RHOH: variants seen among roughly 807,000 people sequenced by gnomAD.
RHOH encodes the protein rho-related GTP-binding protein RhoH.
RHOH carries 6 observed loss-of-function variants against 13.8 expected under a neutral mutation model. The observed-to-expected ratio is 0.44, with a 90% CI of 0.24 to 0.86. The LOEUF (loss-of-function observed/expected upper bound fraction) is 0.86, where lower values mean the gene tolerates loss of function less well. RHOH is among the 40% of genes least tolerant of loss of function. The pLI is 0.24. For synonymous variants in RHOH, 117 were observed against 103.0 expected (o/e 1.14, Z -0.82); for missense variants, 147 against 244.5 (o/e 0.60, Z 2.66).
chr4:40,224,191 T>G (rs1052063831), intron 1 of RHOH, among the ~76,000 whole-genome samples: 1 of 152,258 alleles, frequency 6.6e-6, no homozygotes, highest in Admixed American at 6.5e-5. Context: ...TATGTCTGTA[T>G]ATCATACCCT....
intron 1 of RHOH, among the ~76,000 whole-genome samples, chr4:40,215,223 A>C (rs577206045): frequency 6.6e-6 from 1 of 152,290 alleles, no homozygotes; most frequent in South Asian, 2.1e-4. Flanking sequence ...AGTCCTGAGA[A>C]TGAGGGAAAT....
At chr4:40,210,262 A>T (rs1725111479) in intron 1 of RHOH, among the ~76,000 whole-genome samples, 1 of 152,212 alleles carries the variant, frequency 6.6e-6, no homozygotes, top group Non-Finnish European at 1.5e-5. Flanking sequence ...AATACCTACC[A>T]ACGGGGACTT....
At chr4:40,235,143 G>A (rs1211058157) in intron 1 of RHOH, 3 of 152,174 alleles carry the variant, frequency 2.0e-5, no homozygotes, top group South Asian at 2.1e-4. Flanking sequence ...CACAAAGGTG[G>A]TAACCTTATT....
chr4:40,197,542 G>A (rs2109341388), intron 1 of RHOH, among the ~76,000 whole-genome samples: 1 of 152,186 alleles, frequency 6.6e-6, no homozygotes, highest in East Asian at 1.9e-4. Context: ...TGGCTTTTTG[G>A]TTTTCCAGAT....
rs974350343 is a variant in RHOH, at chr4:40,207,383, CT to C, written c.-331+10091del. ...TTTCTGAGTCCTATAGCTATCTTTC[CT>C]TTTTTTTCATCCTCTACATTTCAGG... On this transcript the variant is annotated intron_variant, in intron 1 of 2. Coordinates refer to ENST00000381799, the MANE Select transcript of RHOH (RefSeq NM_004310.5). Among the ~76,000 whole-genome samples the C allele has an allele frequency of 2.5e-4, 38 of 151,988 alleles. No homozygotes were observed. The East Asian group carries it at 6.6e-3, about 26-fold the overall frequency.
At chr4:40,214,059 G>C (rs868159117) in intron 1 of RHOH, among the ~76,000 whole-genome samples, 1 of 152,106 alleles carries the variant, frequency 6.6e-6, no homozygotes, top group African/African-American at 2.4e-5. Context: ...GCCTGGCCTA[G>C]TTCCTTTATT....
chr4:40,237,676 A>G (rs1325692088), intron 1 of RHOH, among the ~76,000 whole-genome samples: 1 of 152,174 alleles, frequency 6.6e-6, no homozygotes, highest in Non-Finnish European at 1.5e-5. Context: ...TTCTTAGTGA[A>G]TGAATCAGCT....
rs918904105 is a variant in RHOH, at chr4:40,246,897, A to G, written c.*2935A>G. 6.6e-6 allele frequency: 1 copy of G among 152,220 alleles called. No homozygotes were observed. Among genetic ancestry groups the G allele is most frequent in the Non-Finnish European group, 1.5e-5 (1 of 68,040 alleles). 9.4% of individuals were successfully genotyped at this position (152,220 alleles called of 1,614,324 possible). A position where few individuals can be genotyped will look rare whatever the true frequency, so the allele number is the denominator to read the frequency against. On this transcript the variant is annotated 3_prime_UTR_variant, in exon 3 of 3. Transcript: ENST00000381799. ...GTGGTACCTTTTTGTAGACTATTGC[A>G]TATCGATTCTTAACTATTCCAAGTA... is the stretch of plus-strand genomic sequence containing the variant.
chr4:40,212,093 C>T (rs1725337389), intron 1 of RHOH, among the ~76,000 whole-genome samples: 1 of 152,204 alleles, frequency 6.6e-6, no homozygotes, highest in Non-Finnish European at 1.5e-5. Context: ...ACTTCACTAC[C>T]CTGGGCCTCA....
rs527856212 is a variant in RHOH at position 40,214,216 on chromosome 4, G to C, written c.-331+16916G>C. 3.6e-4 allele frequency among the ~76,000 whole-genome samples: 55 copies of C among 152,318 alleles called. 1 individual carries two copies. Among genetic ancestry groups the C allele is most frequent in the African/African-American group, 1.2e-3 (50 of 41,566 alleles). ...AAGGCGGGGCGGAAGGAAGCTTTCT[G>C]ATGAATGTTTGCACAGTATACGAGA... is the stretch of plus-strand genomic sequence containing the variant. On this transcript the variant is annotated intron_variant, in intron 1 of 2. Coordinates refer to ENST00000381799, the MANE Select transcript of RHOH (RefSeq NM_004310.5).
intron 1 of RHOH, among the ~76,000 whole-genome samples, chr4:40,205,027 C>G (rs1254215905): frequency 2.0e-5 from 3 of 152,034 alleles, no homozygotes; most frequent in Non-Finnish European, 4.4e-5. Context: ...CTTTGGGAGG[C>G]CGAGGCAGGC....
intron 1 of RHOH, among the ~76,000 whole-genome samples, chr4:40,232,793 A>G (rs1339853963): frequency 1.3e-5 from 2 of 151,862 alleles, no homozygotes; most frequent in Non-Finnish European, 2.9e-5. Context: ...TCAAACATGT[A>G]TTTTCATGCC....
At chr4:40,194,672 G>A (rs745930922), upstream of RHOH, among the ~76,000 whole-genome samples, 6 of 152,166 alleles carry the variant, frequency 3.9e-5, no homozygotes, top group African/African-American at 7.2e-5. Flanking sequence ...CACTGCGCCC[G>A]GCCCATGAAG....
intron 1 of RHOH, among the ~76,000 whole-genome samples, chr4:40,201,253 C>T (rs77751736): frequency 4.0e-5 from 6 of 151,710 alleles, no homozygotes; most frequent in Non-Finnish European, 7.4e-5. Flanking sequence ...TTCACTCTAT[C>T]CCCCCCTTTT....
chr4:40,227,533 T>C (rs899703242), intron 1 of RHOH, among the ~76,000 whole-genome samples: 2 of 152,220 alleles, frequency 1.3e-5, no homozygotes, highest in African/African-American at 4.8e-5. Flanking sequence ...CTTTCAGGCA[T>C]CTCATCATGC....
chr4:40,201,263 T>G (rs2109358132), intron 1 of RHOH, among the ~76,000 whole-genome samples: 1 of 152,266 alleles, frequency 6.6e-6, no homozygotes, highest in Middle Eastern at 3.4e-3. Context: ...CCCCCCCTTT[T>G]TTTTTGCATT....
intron 1 of RHOH, among the ~76,000 whole-genome samples, chr4:40,208,166 C>T (rs868299454): frequency 6.6e-6 from 1 of 152,146 alleles, no homozygotes; most frequent in East Asian, 1.9e-4. Context: ...TGATCATACT[C>T]TTTTTATTTC....
intron 1 of RHOH, chr4:40,200,351 AATAGTGGTTTCTAAAG>A (rs963041669): frequency 1.3e-5 from 2 of 152,184 alleles, no homozygotes; most frequent in African/African-American, 4.8e-5. Context: ...CTCACTGTGG[AATAGTGGTTTCTAAAG>A]CTGGCTGGAC....
At chr4:40,206,991 G>A (rs1484877842) in intron 1 of RHOH, among the ~76,000 whole-genome samples, 2 of 152,028 alleles carry the variant, frequency 1.3e-5, no homozygotes, top group Admixed American at 6.5e-5. Flanking sequence ...GGCGGATCAC[G>A]AGGTCAGGAG....
Sources: allele counts gnomAD v4.1 joint callset (sites outside exome capture counted in the v4.1 genomes callset), GRCh38; gene constraint gnomAD v4.1.1; transcripts MANE v1.5; gene names NCBI Gene and HGNC (gene_info 2026-07-23, HGNC 2026-07-21).